Variants in WIPF2 observed in about 807,000 individuals in gnomAD.
The protein encoded by WIPF2 is WAS/WASL-interacting protein family member 2.
In WIPF2, 23 loss-of-function variants were observed where a neutral mutation model predicts 38.8. The observed-to-expected ratio is 0.59, with a 90% CI of 0.43 to 0.84. The LOEUF (loss-of-function observed/expected upper bound fraction) is 0.84. Among genes scored for constraint, WIPF2 ranks in the 40% least tolerant of loss-of-function variants. WIPF2 has a pLI of 0.00. For synonymous variants in WIPF2, 210 were observed against 223.2 expected, an observed-to-expected ratio of 0.94 and a Z score of 0.53; for missense variants, 574 against 580.5, an observed-to-expected ratio of 0.99 and a Z score of 0.11.
At position 40,219,391 on chromosome 17, in the gene WIPF2, G is replaced by GCGGCGGCGA. The variant is rs934832720; in HGVS notation, c.-165_-157dup. ...GGTGGCGGCGGCGGCGGCGGCGGCG[G>GCGGCGGCGA]CGGCGGCGACGGCGAGAAAGAGCTT... On this transcript the variant is annotated 5_prime_UTR_variant, in exon 1 of 8. Coordinates refer to ENST00000323571, the MANE Select transcript of WIPF2 (RefSeq NM_133264.5). 4.8e-5 allele frequency: 20 copies of GCGGCGGCGA among 420,536 alleles called. No homozygotes were observed. The highest frequency in any genetic ancestry group is 1.1e-4 in the African/African-American group (5 of 44,606). 26.1% of individuals were successfully genotyped at this position (420,536 alleles called of 1,614,324 possible).
chr17:40,264,698 C>A lies in WIPF2; in HGVS notation c.522C>A (p.Ser174=). The part of the protein sequence containing the change: ...TTSSTGMKHS[S]SAPPPPPPGR... The stretch of plus-strand genomic sequence containing the variant: ...GCAGTACGGGCATGAAGCACAGCTC[C>A]TCTGCCCCTCCCCCACCACCCCCAG... Residue 174 remains serine, a synonymous_variant, in exon 5 of 8, where the codon TCC becomes TCA. Transcript: ENST00000323571. 1 of 1,613,112 alleles carries A rather than the reference C, an allele frequency of 6.2e-7. No homozygotes were observed. Among genetic ancestry groups the A allele is most frequent in the Non-Finnish European group, 8.5e-7 (1 of 1,179,506 alleles).
chr17:40,268,060 A>G (rs920212798), intron 5 of WIPF2, among the ~76,000 whole-genome samples: 3 of 152,106 alleles, frequency 2.0e-5, no homozygotes, highest in Non-Finnish European at 2.9e-5. Context: ...AGGTGGGAAG[A>G]CCACTTGAGC....
chr17:40,245,535 G>T (rs2031335769), intron 1 of WIPF2, among the ~76,000 whole-genome samples: 1 of 151,906 alleles, frequency 6.6e-6, no homozygotes, highest in African/African-American at 2.4e-5. Flanking sequence ...TAGAGACAGG[G>T]TTTCACCATG....
At chr17:40,231,631 G>A (rs2030743108) in intron 1 of WIPF2, among the ~76,000 whole-genome samples, 1 of 151,848 alleles carries the variant, frequency 6.6e-6, no homozygotes, top group Admixed American at 6.6e-5. Context: ...CACCATCTTG[G>A]CCAGGCTGGT....
intron 1 of WIPF2, among the ~76,000 whole-genome samples, chr17:40,233,067 C>A (rs891522700): frequency 6.6e-6 from 1 of 152,154 alleles, no homozygotes; most frequent in African/African-American, 2.4e-5. Flanking sequence ...TGTGTGGTTA[C>A]ACCCAGGCTG....
In WIPF2 at chr17:40,270,902, A is replaced by G. The variant is rs796552678; in HGVS notation, c.971-2888A>G. Among the ~76,000 whole-genome samples the G allele has an allele frequency of 4.9e-5, 6 of 121,948 alleles. No homozygotes were observed. In the East Asian group the frequency reaches 9.6e-4, roughly 19 times the overall value. 80.0% of individuals were successfully genotyped at this position (121,948 alleles called of 152,430 possible). On this transcript the variant is annotated intron_variant, in intron 5 of 7. Transcript: ENST00000323571. Reference sequence around the variant, plus strand: ...CCAGATTGTGTGTGTGTGTGTGTGTATGTTATTCTATTACTGTGTTACATG... The same window carrying G: ...CCAGATTGTGTGTGTGTGTGTGTGTGTGTTATTCTATTACTGTGTTACATG...
chr17:40,221,532 G>A (rs1216034189), intron 1 of WIPF2, among the ~76,000 whole-genome samples: 4 of 151,752 alleles, frequency 2.6e-5, no homozygotes, highest in African/African-American at 7.3e-5. Flanking sequence ...CTAAGAGTTC[G>A]AGACCATTCT....
At chr17:40,237,875 A>G (rs1170829450) in intron 1 of WIPF2, among the ~76,000 whole-genome samples, 1 of 127,822 alleles carries the variant, frequency 7.8e-6, no homozygotes, top group Admixed American at 8.2e-5. Flanking sequence ...CAAACTCCTA[A>G]CCCTGTCTCT....
chr17:40,263,903 G>A (rs914452086), intron 4 of WIPF2, among the ~76,000 whole-genome samples: 2 of 151,956 alleles, frequency 1.3e-5, no homozygotes, highest in African/African-American at 4.8e-5. Flanking sequence ...GGATATGTTA[G>A]TTTGATTTAA....
intron 1 of WIPF2, among the ~76,000 whole-genome samples, chr17:40,221,674 G>A (rs200926886): frequency 1 from 27,329 of 27,464 alleles, 13,597 homozygotes; most frequent in Middle Eastern, 1. Context: ...TCTGCCTGCC[G>A]GATTCAAGCG....
chr17:40,259,043 AT>A (rs1567719652), intron 2 of WIPF2, among the ~76,000 whole-genome samples: 6 of 135,240 alleles, frequency 4.4e-5, no homozygotes, highest in Non-Finnish European at 9.8e-5. Context: ...AAAAAAAAAG[AT>A]AAGTTTTTTT....
At chr17:40,257,235 C>G (rs566086534) in intron 2 of WIPF2, among the ~76,000 whole-genome samples, 16 of 152,058 alleles carry the variant, frequency 1.1e-4, no homozygotes, top group Non-Finnish European at 2.2e-4. Context: ...CCTTGGCCTC[C>G]CAAAGTGCCG....
At chr17:40,255,683 C>T (rs2031702158) in intron 1 of WIPF2, among the ~76,000 whole-genome samples, 1 of 141,736 alleles carries the variant, frequency 7.1e-6, no homozygotes, top group Non-Finnish European at 1.5e-5. Context: ...GGCTGGAGTG[C>T]AGTGGCACCA....
chr17:40,269,828 A>G (rs1382116746), intron 5 of WIPF2, among the ~76,000 whole-genome samples: 2 of 150,354 alleles, frequency 1.3e-5, no homozygotes, highest in African/African-American at 4.9e-5. Flanking sequence ...GATGGTCTCT[A>G]TCTCCTGACC....
At chr17:40,244,050 C>T (rs185934003) in intron 1 of WIPF2, among the ~76,000 whole-genome samples, 98 of 152,230 alleles carry the variant, frequency 6.4e-4, no homozygotes, top group African/African-American at 2.3e-3. Flanking sequence ...GTGGCACTTT[C>T]TCCATTGAGA....
chr17:40,276,354 C>T (rs2032399433), intron 6 of WIPF2, among the ~76,000 whole-genome samples: 1 of 151,448 alleles, frequency 6.6e-6, no homozygotes, highest in Non-Finnish European at 1.5e-5. Context: ...ATGGTGAAAC[C>T]CTATCTCTAC....
chr17:40,265,154 C>T lies in WIPF2; in HGVS notation c.970+8C>T, dbSNP rs763301829. ...CTCCCAGTCGGGGAGCAGGTAAGTG[C>T]TTGGAAGCACCTTTTTCCCTATCAT... On this transcript the variant is annotated splice_region_variant and intron_variant, in intron 5 of 7. Transcript: ENST00000323571. 1.3e-6 allele frequency: 2 copies of T among 1,586,120 alleles called. 1 individual carries two copies. Among genetic ancestry groups the T allele is most frequent in the South Asian group, 2.3e-5 (2 of 87,856 alleles).
In WIPF2 at chr17:40,239,046, TTTTATTTA is replaced by T. The variant is rs57564513; in HGVS notation, c.-69-17309_-69-17302del. Among the ~76,000 whole-genome samples the T allele has an allele frequency of 8.7e-3, 1,206 of 138,794 alleles. 13 individuals carry two copies. Among genetic ancestry groups the T allele is most frequent in the South Asian group, 0.032 (139 of 4,318 alleles). The allele number at this position is 138,794 out of a possible 152,430, so 91.1% of individuals were successfully genotyped here. On this transcript the variant is annotated intron_variant, in intron 1 of 7. Coordinates refer to ENST00000323571, the MANE Select transcript of WIPF2 (RefSeq NM_133264.5). Reference sequence around the variant, plus strand: ...CTGTGTCTGGCTTCTGTTTATTTTATTTTATTTATTTATTTATTTATTTATTTATTTAT... The same window carrying T: ...CTGTGTCTGGCTTCTGTTTATTTTATTTTATTTATTTATTTATTTATTTAT...
chr17:40,223,347 C>T (rs2030333285), intron 1 of WIPF2, among the ~76,000 whole-genome samples: 1 of 151,902 alleles, frequency 6.6e-6, no homozygotes, highest in Non-Finnish European at 1.5e-5. Flanking sequence ...CCATGTTGGC[C>T]AGGCTGGTCA....
Sources: allele counts gnomAD v4.1 joint callset (sites outside exome capture counted in the v4.1 genomes callset), GRCh38; gene constraint gnomAD v4.1.1; transcripts MANE v1.5; gene names NCBI Gene and HGNC (gene_info 2026-07-23, HGNC 2026-07-21).